ZNF704: variants seen among roughly 807,000 people sequenced by gnomAD.
The protein encoded by ZNF704 is glucocorticoid induced gene 1.
Under a neutral mutation model 44.7 loss-of-function variants are expected in ZNF704, and 10 were observed. The ratio of observed to expected loss-of-function variants is 0.22; its 90% CI spans 0.14 to 0.38. The LOEUF (loss-of-function observed/expected upper bound fraction) is 0.38, where lower values mean the gene tolerates loss of function less well. ZNF704 is among the 10% of genes least tolerant of loss of function. The pLI is 1.00. For missense variants in ZNF704, 390 were observed against 545.5 expected (o/e 0.71, Z 2.84); for synonymous variants, 211 against 207.6 (o/e 1.02, Z -0.14).
chr8:80,850,307 A>C (rs72671929), intron 1 of ZNF704, among the ~76,000 whole-genome samples: 3,138 of 152,298 alleles, frequency 0.021, 87 homozygotes, highest in Non-Finnish European at 0.026. Context: ...CGACTATCAT[A>C]ATCTTTCTGC....
At chr8:80,881,362 A>G in the ZNF704 span, among the ~76,000 whole-genome samples, 1 of 152,234 alleles carries the variant, frequency 6.6e-6, no homozygotes, top group African/African-American at 2.4e-5. Context: ...ACTGTGTGCT[A>G]AAAGAGAAAG....
intron 7 of ZNF704, among the ~76,000 whole-genome samples, chr8:80,656,867 A>C (rs1818024043): frequency 6.6e-6 from 1 of 152,034 alleles, no homozygotes. Flanking sequence ...TTTTTTGAAA[A>C]GCATTTTATC....
At chr8:80,823,058 G>C (rs994598863) in intron 1 of ZNF704, among the ~76,000 whole-genome samples, 1 of 152,170 alleles carries the variant, frequency 6.6e-6, no homozygotes, top group African/African-American at 2.4e-5. Flanking sequence ...TGCCAACTGA[G>C]GTACCAGGTT....
intron 8 of ZNF704, 40 bp from the exon 9 acceptor site, chr8:80,641,517 T>C (rs757885467): frequency 7.3e-7 from 1 of 1,370,486 alleles, no homozygotes; most frequent in Non-Finnish European, 1.0e-6. Context: ...GTGGGAGGAA[T>C]TCAATGGGCA....
chr8:80,737,016 G>A (rs978609223), intron 2 of ZNF704, among the ~76,000 whole-genome samples: 2 of 151,720 alleles, frequency 1.3e-5, no homozygotes, highest in African/African-American at 4.8e-5. Flanking sequence ...GAGAGGAAAT[G>A]GGAGGACCAG....
At chr8:80,714,078 C>G (rs750826539) in intron 2 of ZNF704, among the ~76,000 whole-genome samples, 2 of 152,322 alleles carry the variant, frequency 1.3e-5, no homozygotes, top group East Asian at 3.9e-4. Context: ...TATACACATG[C>G]TCTCCTTCTC....
intron 5 of ZNF704, among the ~76,000 whole-genome samples, chr8:80,667,078 C>A (rs1818206875): frequency 6.6e-6 from 1 of 152,074 alleles, no homozygotes; most frequent in African/African-American, 2.4e-5. Context: ...AGGGAGACAC[C>A]ATGCTGGCAC....
chr8:80,787,305 T>C (rs558421458), intron 2 of ZNF704, among the ~76,000 whole-genome samples: 41 of 152,144 alleles, frequency 2.7e-4, no homozygotes, highest in Admixed American at 9.2e-4. Flanking sequence ...TGTGTATATG[T>C]ACATTTGCAC....
chr8:80,772,964 T>A (rs546131802), intron 2 of ZNF704, among the ~76,000 whole-genome samples: 7 of 152,338 alleles, frequency 4.6e-5, no homozygotes, highest in African/African-American at 1.7e-4. Context: ...TCATTTAGTA[T>A]AATGCATTTT....
At chr8:80,784,674 T>C (rs189076457) in intron 2 of ZNF704, among the ~76,000 whole-genome samples, 23 of 152,298 alleles carry the variant, frequency 1.5e-4, no homozygotes, top group African/African-American at 5.3e-4. Flanking sequence ...GCAAATATTT[T>C]CTCCCAGTCT....
At chr8:80,832,067 T>C (rs958331501) in intron 1 of ZNF704, among the ~76,000 whole-genome samples, 5 of 152,214 alleles carry the variant, frequency 3.3e-5, no homozygotes, top group African/African-American at 1.2e-4. Flanking sequence ...GAACAAAGCT[T>C]CAATGTTCAA....
chr8:80,836,838 T>C (rs906505204), intron 1 of ZNF704, among the ~76,000 whole-genome samples: 3 of 152,182 alleles, frequency 2.0e-5, no homozygotes, highest in Non-Finnish European at 2.9e-5. Flanking sequence ...AGCACTATAG[T>C]TCTATCATTC....
intron 1 of ZNF704, among the ~76,000 whole-genome samples, chr8:80,832,760 A>T (rs1808491335): frequency 6.6e-6 from 1 of 152,188 alleles, no homozygotes; most frequent in Non-Finnish European, 1.5e-5. Context: ...TAAGAGGACC[A>T]CTTGGCTGAG....
chr8:80,826,675 G>A (rs1808382731), intron 1 of ZNF704, among the ~76,000 whole-genome samples: 1 of 152,238 alleles, frequency 6.6e-6, no homozygotes, highest in Admixed American at 6.5e-5. Context: ...AAAATCCTCA[G>A]TAAAATACTG....
At chr8:80,806,139 C>T (rs1807985932) in intron 2 of ZNF704, among the ~76,000 whole-genome samples, 1 of 152,166 alleles carries the variant, frequency 6.6e-6, no homozygotes, top group African/African-American at 2.4e-5. Context: ...CATGATGAAT[C>T]TTAAGTGCTG....
At chr8:80,693,189 T>G in intron 2 of ZNF704, 82 bp from the exon 3 acceptor site, 1 of 1,157,606 alleles carries the variant, frequency 8.6e-7, no homozygotes, top group Non-Finnish European at 1.3e-6. Context: ...CTGTCACGCA[T>G]TTACTCCATT....
chr8:80,802,519 G>A (rs1183692364), intron 2 of ZNF704, among the ~76,000 whole-genome samples: 2 of 152,200 alleles, frequency 1.3e-5, no homozygotes, highest in Admixed American at 1.3e-4. Context: ...TCTGCAGGAT[G>A]CAAGGTCGGT....
intron 1 of ZNF704, among the ~76,000 whole-genome samples, chr8:80,846,401 T>TAC (rs33922681): frequency 0.037 from 5,422 of 148,450 alleles, 98 homozygotes; most frequent in African/African-American, 0.057. Flanking sequence ...AGAGATTTCA[T>TAC]ACACACACAC....
chr8:80,760,831 G>A (rs754809748), intron 2 of ZNF704, among the ~76,000 whole-genome samples: 6 of 152,048 alleles, frequency 3.9e-5, no homozygotes, highest in Non-Finnish European at 7.4e-5. Flanking sequence ...CATGGCAGAA[G>A]GTGAAGTGGA....
Sources: allele counts gnomAD v4.1 joint callset (sites outside exome capture counted in the v4.1 genomes callset), GRCh38; gene constraint gnomAD v4.1.1; transcripts MANE v1.5; gene names NCBI Gene and HGNC (gene_info 2026-07-23, HGNC 2026-07-21).